The following BICD1 variants were observed in gnomAD, a reference collection of about 807,000 sequenced individuals.
BICD1 encodes BICD cargo adaptor 1, also known as protein bicaudal D homolog 1.
Under a neutral mutation model 92.5 loss-of-function variants are expected in BICD1, and 35 were observed. The ratio of observed to expected loss-of-function variants is 0.38; its 90% CI spans 0.29 to 0.50. The LOEUF (loss-of-function observed/expected upper bound fraction) is 0.50. BICD1 is among the 20% of genes least tolerant of loss of function. The pLI, the probability that BICD1 is intolerant of heterozygous loss-of-function variation, is 0.93. For missense variants in BICD1, 950 were observed against 1,189.8 expected (o/e 0.80, Z 2.97); for synonymous variants, 429 against 465.1 (o/e 0.92, Z 1.00).
intron 4 of BICD1, among the ~76,000 whole-genome samples, chr12:32,325,868 G>A (rs1468513006): frequency 2.6e-5 from 4 of 151,836 alleles, no homozygotes; most frequent in Non-Finnish European, 5.9e-5. Context: ...GGATCACGAG[G>A]TCAGGAGATC....
chr12:32,367,869 G>A (rs748503678), intron 9 of BICD1, 124 bp downstream of exon 9: 17 of 858,316 alleles, frequency 2.0e-5, no homozygotes, highest in Non-Finnish European at 3.0e-5. Context: ...TTTCAAGTGT[G>A]GGCTACATAG....
rs150994552 is a variant in BICD1 at position 32,321,251 on chromosome 12, C to T, written c.1006-6210C>T. Among the ~76,000 whole-genome samples, 402 of 151,884 alleles carry T rather than the reference C, an allele frequency of 2.6e-3. 8 individuals carry two copies. In the East Asian group the frequency reaches 0.042, roughly 16 times the overall value. On this transcript the variant is annotated intron_variant, in intron 4 of 9. Coordinates refer to ENST00000652176, the MANE Select transcript of BICD1 (RefSeq NM_001714.4). ...TGAGGCAGGAGAATCGCTTGAACCC[C>T]GGAGGCAGAGGTTGCAGTGATCCAA...
At chr12:32,330,104 T>C (rs769164637) in intron 5 of BICD1, among the ~76,000 whole-genome samples, 4 of 152,098 alleles carry the variant, frequency 2.6e-5, no homozygotes, top group African/African-American at 4.8e-5. Context: ...ACGCCCTTAT[T>C]ATCTCATCTA....
At chr12:32,294,665 T>C (rs903600054) in intron 3 of BICD1, among the ~76,000 whole-genome samples, 5 of 149,570 alleles carry the variant, frequency 3.3e-5, no homozygotes, top group Middle Eastern at 7.1e-3. Flanking sequence ...TGTAAGCTTG[T>C]CTATGAGCTT....
At chr12:32,184,463 CT>C (rs997259632) in intron 1 of BICD1, among the ~76,000 whole-genome samples, 2 of 151,954 alleles carry the variant, frequency 1.3e-5, no homozygotes, top group African/African-American at 4.8e-5. Flanking sequence ...ATTTTTGTAT[CT>C]TTATTAGAGA....
At chr12:32,278,697 CA>C (rs1223719434) in intron 2 of BICD1, among the ~76,000 whole-genome samples, 2 of 151,356 alleles carry the variant, frequency 1.3e-5, no homozygotes, top group East Asian at 3.9e-4. Flanking sequence ...ACTAAAAATA[CA>C]AAAAAAAATT....
intron 1 of BICD1, among the ~76,000 whole-genome samples, chr12:32,140,775 C>T (rs1165418061): frequency 1.3e-5 from 2 of 151,890 alleles, no homozygotes; most frequent in African/African-American, 4.8e-5. Context: ...CTCATTGTCA[C>T]AGTGTTCGTA....
chr12:32,225,621 G>GTTTTTTTTTTTTTTTTTTTTTTTTTTTTT (rs58895470), intron 2 of BICD1, among the ~76,000 whole-genome samples: 15 of 92,786 alleles, frequency 1.6e-4, no homozygotes, highest in South Asian at 5.0e-4. Flanking sequence ...CTTTTTTTCT[G>GTTTTTTTTTTTTTTTTTTTTTTTTTTTTT]TTTTTTTTTT....
chr12:32,375,905 A>G (rs1565705526), intron 9 of BICD1, among the ~76,000 whole-genome samples: 1 of 152,202 alleles, frequency 6.6e-6, no homozygotes, highest in African/African-American at 2.4e-5. Context: ...TTAAAAAGCT[A>G]TGCTTAAATT....
chr12:32,216,186 C>T, intron 1 of BICD1, 61 bp from the exon 2 acceptor site: 2 of 1,544,718 alleles, frequency 1.3e-6, no homozygotes, highest in South Asian at 1.2e-5. Context: ...TTTCCCAAGT[C>T]TTAAAAGAGG....
At chr12:32,273,936 C>T (rs978721623) in intron 2 of BICD1, among the ~76,000 whole-genome samples, 23 of 152,190 alleles carry the variant, frequency 1.5e-4, no homozygotes, top group African/African-American at 4.3e-4. Flanking sequence ...GGCTCCTCCC[C>T]GCTGAACAAG....
At chr12:32,242,946 A>G (rs77973126) in intron 2 of BICD1, among the ~76,000 whole-genome samples, 1 of 152,176 alleles carries the variant, frequency 6.6e-6, no homozygotes, top group Non-Finnish European at 1.5e-5. Flanking sequence ...AATAATGACA[A>G]TTCCTAACTC....
chr12:32,150,750 T>C (rs1943264409), intron 1 of BICD1, among the ~76,000 whole-genome samples: 1 of 151,996 alleles, frequency 6.6e-6, no homozygotes, highest in African/African-American at 2.4e-5. Context: ...GGTCAGTCCA[T>C]GTCGGTGAGT....
intron 4 of BICD1, among the ~76,000 whole-genome samples, chr12:32,310,165 A>G (rs530913472): frequency 9.6e-4 from 146 of 152,302 alleles, no homozygotes; most frequent in African/African-American, 3.2e-3. Context: ...CAAGAGATCT[A>G]TAGTACAACA....
At chr12:32,111,621 A>G (rs1055887708) in intron 1 of BICD1, among the ~76,000 whole-genome samples, 2 of 151,752 alleles carry the variant, frequency 1.3e-5, no homozygotes, top group Non-Finnish European at 2.9e-5. Context: ...ATTTTATTTT[A>G]TTTTGAGATG....
At chr12:32,324,353 C>CAAAA (rs149196321) in intron 4 of BICD1, among the ~76,000 whole-genome samples, 1 of 49,180 alleles carries the variant, frequency 2.0e-5, no homozygotes, top group Non-Finnish European at 4.4e-5. Context: ...GACTCCATCT[C>CAAAA]AAAAAAAAAA....
chr12:32,233,574 C>T (rs868746068), intron 2 of BICD1, among the ~76,000 whole-genome samples: 2 of 147,766 alleles, frequency 1.4e-5, no homozygotes, highest in Middle Eastern at 6.8e-3. Flanking sequence ...CTCCCCTTTC[C>T]TATCTTCTGA....
intron 4 of BICD1, among the ~76,000 whole-genome samples, chr12:32,308,728 A>G (rs1948296140): frequency 6.6e-6 from 1 of 152,224 alleles, no homozygotes; most frequent in South Asian, 2.1e-4. Context: ...TCATTTAGCA[A>G]AATGTTAGGG....
At chr12:32,138,676 T>A (rs139947238) in intron 1 of BICD1, among the ~76,000 whole-genome samples, 243 of 152,322 alleles carry the variant, frequency 1.6e-3, no homozygotes, top group African/African-American at 5.7e-3. Context: ...TGCCCAAATA[T>A]AGGCTAATGT....
Sources: allele counts gnomAD v4.1 joint callset (sites outside exome capture counted in the v4.1 genomes callset), GRCh38; gene constraint gnomAD v4.1.1; transcripts MANE v1.5; gene names NCBI Gene and HGNC (gene_info 2026-07-23, HGNC 2026-07-21).